The following CTNND2 variants were observed in gnomAD, a reference collection of about 807,000 sequenced individuals.
The protein encoded by CTNND2 is catenin delta 2.
CTNND2 carries 22 observed loss-of-function variants against 144.4 expected under a neutral mutation model. The observed-to-expected ratio is 0.15, with a 90% CI of 0.11 to 0.22. CTNND2 has a LOEUF of 0.22. Among genes scored for constraint, CTNND2 ranks in the 10% least tolerant of loss-of-function variants. CTNND2 has a pLI of 1.00. For missense variants in CTNND2, 1,353 were observed against 1,618.8 expected (o/e 0.84, Z 2.82); for synonymous variants, 751 against 695.6 (o/e 1.08, Z -1.25).
chr5:11,752,046 T>C (rs1047848689), intron 1 of CTNND2, among the ~76,000 whole-genome samples: 1 of 151,934 alleles, frequency 6.6e-6, no homozygotes, highest in African/African-American at 2.4e-5. Flanking sequence ...TTGGGCCACA[T>C]TTTAATGGGG....
chr5:11,278,848 A>G (rs141375952), intron 9 of CTNND2, among the ~76,000 whole-genome samples: 3 of 152,110 alleles, frequency 2.0e-5, no homozygotes, highest in African/African-American at 7.2e-5. Context: ...GTTTCCTCCT[A>G]CTTCCCAGGC....
chr5:11,579,713 T>C (rs1057436605), intron 2 of CTNND2, among the ~76,000 whole-genome samples: 1 of 152,194 alleles, frequency 6.6e-6, no homozygotes, highest in African/African-American at 2.4e-5. Context: ...GTACAAAGTA[T>C]AACCTTAACA....
At chr5:11,031,649 A>C (rs528052539) in intron 16 of CTNND2, among the ~76,000 whole-genome samples, 1 of 152,176 alleles carries the variant, frequency 6.6e-6, no homozygotes, top group East Asian at 1.9e-4. Flanking sequence ...GAGTCAGTGG[A>C]TTGGGAGAGA....
chr5:11,240,744 AAC>A (rs747189438), intron 9 of CTNND2, among the ~76,000 whole-genome samples: 23 of 142,136 alleles, frequency 1.6e-4, no homozygotes, highest in African/African-American at 2.9e-4. Flanking sequence ...ACACACACCC[AAC>A]ACACACACAT....
chr5:11,275,505 T>A (rs973030490), intron 9 of CTNND2, among the ~76,000 whole-genome samples: 1 of 152,226 alleles, frequency 6.6e-6, no homozygotes, highest in African/African-American at 2.4e-5. Flanking sequence ...GATGTACACA[T>A]CTGCTTCTTA....
At chr5:11,124,506 C>A (rs146329745) in intron 12 of CTNND2, among the ~76,000 whole-genome samples, 2 of 152,140 alleles carry the variant, frequency 1.3e-5, no homozygotes, top group African/African-American at 4.8e-5. Context: ...ATCTTCTATC[C>A]GTGAACACCT....
At chr5:11,394,950 T>G (rs1012029174) in intron 6 of CTNND2, among the ~76,000 whole-genome samples, 1 of 152,176 alleles carries the variant, frequency 6.6e-6, no homozygotes, top group Non-Finnish European at 1.5e-5. Context: ...TTGACCATAC[T>G]CACTTGGTCT....
chr5:11,076,352 A>T (rs1401911093), intron 16 of CTNND2, among the ~76,000 whole-genome samples: 1 of 150,754 alleles, frequency 6.6e-6, no homozygotes, highest in African/African-American at 2.4e-5. Context: ...AGAGGATGGG[A>T]TTTGCCTAAA....
chr5:11,537,445 AT>A (rs1372542801), intron 3 of CTNND2, among the ~76,000 whole-genome samples: 15 of 152,310 alleles, frequency 9.8e-5, no homozygotes, highest in Non-Finnish European at 1.9e-4. Flanking sequence ...TTTGAAAAAA[AT>A]ATGGGGTTGA....
At chr5:11,574,254 A>G (rs1189746397) in intron 2 of CTNND2, among the ~76,000 whole-genome samples, 1 of 152,142 alleles carries the variant, frequency 6.6e-6, no homozygotes, top group Non-Finnish European at 1.5e-5. Flanking sequence ...CTTATCATGT[A>G]CCTTATTCTG....
intron 2 of CTNND2, among the ~76,000 whole-genome samples, chr5:11,592,784 A>G (rs1227116123): frequency 1.3e-5 from 2 of 151,642 alleles, no homozygotes; most frequent in African/African-American, 4.8e-5. Context: ...TTATATCGAA[A>G]TGCACAGGGC....
At chr5:11,069,303 A>G (rs2149608567) in intron 16 of CTNND2, among the ~76,000 whole-genome samples, 1 of 152,334 alleles carries the variant, frequency 6.6e-6, no homozygotes, top group East Asian at 1.9e-4. Context: ...AAGTGTAAAT[A>G]GGGCAAAAAT....
intron 7 of CTNND2, among the ~76,000 whole-genome samples, chr5:11,376,784 C>A (rs1757990547): frequency 6.6e-6 from 1 of 152,128 alleles, no homozygotes; most frequent in Non-Finnish European, 1.5e-5. Context: ...GGGGTGTCAA[C>A]CTAGAACTGT....
intron 1 of CTNND2, among the ~76,000 whole-genome samples, chr5:11,736,425 C>T (rs1015549079): frequency 1.3e-5 from 2 of 152,154 alleles, no homozygotes; most frequent in Non-Finnish European, 1.5e-5. Context: ...AACCTCCATT[C>T]CTGAATGCAA....
At chr5:11,227,581 A>C (rs1740498831) in intron 10 of CTNND2, among the ~76,000 whole-genome samples, 1 of 152,248 alleles carries the variant, frequency 6.6e-6, no homozygotes, top group Non-Finnish European at 1.5e-5. Flanking sequence ...ATGAGGTAGA[A>C]AGAACTAAGA....
chr5:11,732,356 C>T (rs4466167), intron 1 of CTNND2, 84 bp from the exon 2 acceptor site: 31 of 1,366,082 alleles, frequency 2.3e-5, no homozygotes, highest in Non-Finnish European at 2.8e-5. Flanking sequence ...AAGATACACA[C>T]AGAAAAAAAA....
rs755650393 is a variant in CTNND2, at chr5:11,793,548, T to C, written c.38-61276A>G. Among the ~76,000 whole-genome samples the C allele has an allele frequency of 7.2e-5, 11 of 152,220 alleles. 1 individual carries two copies. In the South Asian group the frequency reaches 1.5e-3, roughly 20 times the overall value. ...GATGTCCTCATGAAAAAGGGAAATATGGACACAGACATGTGCACAGGCAGA... is the reference window on the plus strand; with the variant it reads ...GATGTCCTCATGAAAAAGGGAAATACGGACACAGACATGTGCACAGGCAGA... On this transcript the variant is annotated intron_variant, in intron 1 of 21. Coordinates refer to ENST00000304623, the MANE Select transcript of CTNND2 (RefSeq NM_001332.4).
intron 2 of CTNND2, among the ~76,000 whole-genome samples, chr5:11,618,555 A>G (rs954225852): frequency 2.0e-5 from 3 of 152,236 alleles, no homozygotes; most frequent in Admixed American, 2.0e-4. Context: ...GTGCATGCAC[A>G]TATATCTTAT....
rs147242254 is a variant in CTNND2 at position 11,365,782 on chromosome 5, A to G, written c.1178-892T>C. Among the ~76,000 whole-genome samples the G allele has an allele frequency of 2.5e-3, 376 of 152,328 alleles. 5 individuals are homozygous for G. The highest frequency in any genetic ancestry group is 5.9e-4 in the Admixed American group (9 of 15,304). On this transcript the variant is annotated intron_variant, in intron 7 of 21. Coordinates refer to ENST00000304623, the MANE Select transcript of CTNND2 (RefSeq NM_001332.4). The stretch of plus-strand genomic sequence containing the variant: ...GAAAGAGGACGTTGATTGAGAGCCA[A>G]TATTTTATCTGACGTACAGTCAGAA...
Sources: allele counts gnomAD v4.1 joint callset (sites outside exome capture counted in the v4.1 genomes callset), GRCh38; gene constraint gnomAD v4.1.1; transcripts MANE v1.5; gene names NCBI Gene and HGNC (gene_info 2026-07-23, HGNC 2026-07-21).